TENM2: variants seen among roughly 807,000 people sequenced by gnomAD.
TENM2 encodes the protein teneurin-2.
Under a neutral mutation model 245.2 loss-of-function variants are expected in TENM2, and 52 were observed. That is an observed-to-expected ratio of 0.21 (90% CI 0.17 to 0.27). TENM2 has a LOEUF of 0.27. Among genes scored for constraint, TENM2 ranks in the 10% least tolerant of loss-of-function variants. The pLI is 1.00. For missense variants in TENM2, 3,046 were observed against 3,666.8 expected, an observed-to-expected ratio of 0.83 and a Z score of 4.37; for synonymous variants, 1,363 against 1,438.9, an observed-to-expected ratio of 0.95 and a Z score of 1.19.
chr5:167,882,596 C>A (rs569118315), intron 3 of TENM2, among the ~76,000 whole-genome samples: 1 of 152,206 alleles, frequency 6.6e-6, no homozygotes, highest in East Asian at 1.9e-4. Flanking sequence ...ACAATCATGG[C>A]GGAAGGTGAA....
chr5:167,416,093 G>C (rs1012375875), intron 2 of TENM2, among the ~76,000 whole-genome samples: 1 of 152,174 alleles, frequency 6.6e-6, no homozygotes, highest in African/African-American at 2.4e-5. Flanking sequence ...CATAGTTTGA[G>C]GGATATGTGT....
In TENM2 at chr5:167,745,415, G is replaced by A. The variant is rs575333491; in HGVS notation, c.503-130571G>A. On this transcript the variant is annotated intron_variant, in intron 2 of 28. Transcript: ENST00000518659. ...GCTGGCTATGGTGTGGAGCTCCATCGTAAGCCTTGAGACACTGTTCTCAAT... is the reference window on the plus strand; with the variant it reads ...GCTGGCTATGGTGTGGAGCTCCATCATAAGCCTTGAGACACTGTTCTCAAT... Among the ~76,000 whole-genome samples, 71 of 152,328 alleles carry A rather than the reference G, an allele frequency of 4.7e-4. 1 individual carries two copies. The highest frequency in any genetic ancestry group is 1.4e-3 in the African/African-American group (60 of 41,582).
At chr5:167,197,595 A>G in the TENM2 span, among the ~76,000 whole-genome samples, 4 of 152,086 alleles carry the variant, frequency 2.6e-5, no homozygotes, top group Non-Finnish European at 4.4e-5. Flanking sequence ...CCGGTACAGA[A>G]CATCAGAACA....
intron 2 of TENM2, among the ~76,000 whole-genome samples, chr5:167,713,236 G>C (rs1431490951): frequency 6.6e-6 from 1 of 151,786 alleles, no homozygotes; most frequent in Non-Finnish European, 1.5e-5. Flanking sequence ...CGAAGATTCT[G>C]TTTTCCCCTC....
the TENM2 span, among the ~76,000 whole-genome samples, chr5:167,118,714 T>G: frequency 3.3e-5 from 5 of 152,302 alleles, no homozygotes; most frequent in Admixed American, 3.3e-4. Flanking sequence ...GTATCAATGC[T>G]GCTTATGTTC....
At chr5:167,936,462 T>G (rs1778724194) in intron 3 of TENM2, among the ~76,000 whole-genome samples, 1 of 152,222 alleles carries the variant, frequency 6.6e-6, no homozygotes, top group Non-Finnish European at 1.5e-5. Flanking sequence ...TTTAAGGACA[T>G]GACAAATATT....
chr5:167,786,120 G>A (rs944207739), intron 2 of TENM2, among the ~76,000 whole-genome samples: 1 of 151,844 alleles, frequency 6.6e-6, no homozygotes, highest in East Asian at 1.9e-4. Context: ...TGTCTCTGAC[G>A]CCATGACCAA....
At chr5:167,560,151 C>T (rs1271852058) in intron 2 of TENM2, among the ~76,000 whole-genome samples, 1 of 152,172 alleles carries the variant, frequency 6.6e-6, no homozygotes, top group African/African-American at 2.4e-5. Flanking sequence ...AGCTGGTTAG[C>T]AATACAGAAT....
chr5:168,028,935 T>C (rs1786861905), intron 5 of TENM2, among the ~76,000 whole-genome samples: 1 of 152,202 alleles, frequency 6.6e-6, no homozygotes. Context: ...GAATATTACT[T>C]TCTGTGCCCA....
Position 167,648,747 on chromosome 5 carries a change from G to A in TENM2, c.503-227239G>A, listed in dbSNP as rs1331337611. Among the ~76,000 whole-genome samples, 3 of 152,326 alleles carry A rather than the reference G, an allele frequency of 2.0e-5. No homozygotes were observed. The South Asian group carries it at 6.2e-4, about 32-fold the overall frequency. On this transcript the variant is annotated intron_variant, in intron 2 of 28. Transcript: ENST00000518659. ...TTTGATCTCCCTTGACTCCTCCTGG[G>A]ATATCTCACCTTTTGATGTTGGGAA...
intron 1 of TENM2, among the ~76,000 whole-genome samples, chr5:167,312,956 G>A (rs1756130073): frequency 6.6e-6 from 1 of 150,480 alleles, no homozygotes; most frequent in Non-Finnish European, 1.5e-5. Context: ...AGGCTGGAGT[G>A]CAGTGGTGTG....
At chr5:167,219,923 G>C in the TENM2 span, among the ~76,000 whole-genome samples, 1 of 152,160 alleles carries the variant, frequency 6.6e-6, no homozygotes, top group Non-Finnish European at 1.5e-5. Context: ...TATTTAAATT[G>C]GTTAACTGTA....
At chr5:167,983,591 A>G (rs187475323) in intron 4 of TENM2, among the ~76,000 whole-genome samples, 7 of 152,314 alleles carry the variant, frequency 4.6e-5, no homozygotes, top group Non-Finnish European at 7.4e-5. Context: ...CCTGAATCAA[A>G]CGGGCTTGAG....
chr5:167,915,754 G>A (rs985580528), intron 3 of TENM2, among the ~76,000 whole-genome samples: 1 of 152,148 alleles, frequency 6.6e-6, no homozygotes, highest in African/African-American at 2.4e-5. Context: ...AAGATGATCT[G>A]TATTTCTTTT....
chr5:167,427,852 G>GGAAGGGAGGGAAGGAAGGGAAGAAT (rs1763961822), intron 2 of TENM2, among the ~76,000 whole-genome samples: 1 of 132,970 alleles, frequency 7.5e-6, no homozygotes, highest in African/African-American at 3.2e-5. Flanking sequence ...AAGGGAAGAA[G>GGAAGGGAGGGAAGGAAGGGAAGAAT]GAAGGACGGA....
chr5:168,199,086 G>A (rs748471646), exon 16 of TENM2: 7 of 1,613,442 alleles, frequency 4.3e-6, no homozygotes, highest in Non-Finnish European at 5.1e-6. Context: ...GCTGCCCCTG[G>A]GCAGAATCCC....
At chr5:167,269,689 G>C in the TENM2 span, among the ~76,000 whole-genome samples, 431 of 152,112 alleles carry the variant, frequency 2.8e-3, 1 homozygote, top group African/African-American at 0.01. Flanking sequence ...AAAGTCTCCA[G>C]GGAATATCTT....
At chr5:168,082,077 G>A (rs530957246) in intron 7 of TENM2, among the ~76,000 whole-genome samples, 12 of 152,274 alleles carry the variant, frequency 7.9e-5, no homozygotes, top group Admixed American at 2.6e-4. Flanking sequence ...CCAATCAGAC[G>A]TAGATTTGGT....
intron 25 of TENM2, among the ~76,000 whole-genome samples, chr5:168,234,550 G>GAAACTCCTGGCCCTGAGGATCTA (rs368184176): frequency 1.3e-5 from 2 of 152,076 alleles, no homozygotes; most frequent in African/African-American, 4.8e-5. Flanking sequence ...ATCATAAGGC[G>GAAACTCCTGGCCCTGAGGATCTA]AAACTCCTGG....
Sources: allele counts gnomAD v4.1 joint callset (sites outside exome capture counted in the v4.1 genomes callset), GRCh38; gene constraint gnomAD v4.1.1; transcripts MANE v1.5; gene names NCBI Gene and HGNC (gene_info 2026-07-23, HGNC 2026-07-21).